The following C14orf39 variants were observed in gnomAD, a reference collection of about 807,000 sequenced individuals.
The protein encoded by C14orf39 is protein SIX6OS1.
C14orf39 carries 66 observed loss-of-function variants against 85.6 expected under a neutral mutation model. That is an observed-to-expected ratio of 0.77 (90% CI 0.63 to 0.95). C14orf39 has a LOEUF of 0.95. Among genes scored for constraint, C14orf39 ranks in the 40% least tolerant of loss-of-function variants. The pLI is 0.00. For missense variants in C14orf39, 735 were observed against 663.9 expected (o/e 1.11, Z -1.18); for synonymous variants, 242 against 214.0 (o/e 1.13, Z -1.14).
At chr14:60,441,410 C>T (rs73305275) in intron 17 of C14orf39, among the ~76,000 whole-genome samples, 5,000 of 152,156 alleles carry the variant, frequency 0.033, 283 homozygotes, top group African/African-American at 0.11. Flanking sequence ...GGATGCTGTA[C>T]CTACCATTAT....
At chr14:60,507,527 T>G (rs1387976847) in intron 1 of C14orf39, among the ~76,000 whole-genome samples, 1 of 152,222 alleles carries the variant, frequency 6.6e-6, no homozygotes, top group East Asian at 1.9e-4. Flanking sequence ...GTTGAGGCGG[T>G]TGGCAATCTC....
At chr14:60,506,071 T>C (rs1041336100) in intron 1 of C14orf39, among the ~76,000 whole-genome samples, 1 of 152,144 alleles carries the variant, frequency 6.6e-6, no homozygotes. Flanking sequence ...TTTCTCCATA[T>C]TTGCCCCACA....
chr14:60,466,339 A>G (rs1476201330), intron 10 of C14orf39, among the ~76,000 whole-genome samples: 1 of 152,024 alleles, frequency 6.6e-6, no homozygotes, highest in Non-Finnish European at 1.5e-5. Context: ...CAAAGAAACC[A>G]GCCAATGTAG....
rs566754852 is a variant in C14orf39 at position 60,462,927 on chromosome 14, C to CTATA, written c.973-1338_973-1335dup. On this transcript the variant is annotated intron_variant, in intron 11 of 17. Coordinates refer to ENST00000321731, the MANE Select transcript of C14orf39 (RefSeq NM_174978.3). ...ACACCTGCAAGGAGAATACATGTCT[C>CTATA]TATATGTCTCCTGGTACAAATACCT... 1.8e-4 allele frequency among the ~76,000 whole-genome samples: 28 copies of CTATA among 152,204 alleles called. No homozygotes were observed. The South Asian group carries it at 5.8e-3, about 32-fold the overall frequency.
chr14:60,483,336 A>G (rs932770683), intron 4 of C14orf39, among the ~76,000 whole-genome samples: 2 of 152,184 alleles, frequency 1.3e-5, no homozygotes, highest in African/African-American at 2.4e-5. Flanking sequence ...TAACGTATTA[A>G]ATATTTTTAT....
chr14:60,453,000 C>T (rs1273471892), intron 16 of C14orf39, among the ~76,000 whole-genome samples: 1 of 151,900 alleles, frequency 6.6e-6, no homozygotes, highest in Non-Finnish European at 1.5e-5. Context: ...GCTGAAGGTA[C>T]CATCAGAACC....
At position 60,483,111 on chromosome 14, in the gene C14orf39, G is replaced by A. The variant is rs920278950; in HGVS notation, c.233+580C>T. 4.4e-4 allele frequency among the ~76,000 whole-genome samples: 67 copies of A among 151,276 alleles called. 1 individual carries two copies. Among genetic ancestry groups the A allele is most frequent in the Non-Finnish European group, 1.0e-4 (7 of 67,782 alleles). On this transcript the variant is annotated intron_variant, in intron 4 of 17. Coordinates refer to ENST00000321731, the MANE Select transcript of C14orf39 (RefSeq NM_174978.3). The stretch of plus-strand genomic sequence containing the variant: ...AAAACCAGTGGGAAAAAACTAATGG[G>A]GGAAAAACAAAAAAGGCTTATTAAA...
intron 1 of C14orf39, among the ~76,000 whole-genome samples, chr14:60,514,372 G>A (rs1361583077): frequency 1.3e-5 from 2 of 152,118 alleles, no homozygotes; most frequent in African/African-American, 4.8e-5. Flanking sequence ...CAGCAGAGTG[G>A]AAAGAGCATT....
At chr14:60,441,958 A>C in intron 17 of C14orf39, 116 bp downstream of exon 17, 1 of 679,980 alleles carries the variant, frequency 1.5e-6, no homozygotes, top group Non-Finnish European at 2.6e-6. Flanking sequence ...GTAGTGCAGA[A>C]GTAACAGTAA....
chr14:60,466,850 T>C, intron 10 of C14orf39, 67 bp downstream of exon 10: 1 of 1,242,406 alleles, frequency 8.0e-7, no homozygotes, highest in Non-Finnish European at 1.1e-6. Flanking sequence ...ATAAAATTGC[T>C]TCCTTCTATT....
At chr14:60,476,779 C>A (rs967105505) in intron 5 of C14orf39, among the ~76,000 whole-genome samples, 5 of 152,146 alleles carry the variant, frequency 3.3e-5, no homozygotes, top group Non-Finnish European at 2.9e-5. Flanking sequence ...CTGAAGCACA[C>A]TGCACAATTT....
At chr14:60,439,630 G>A (rs559167390) in intron 17 of C14orf39, among the ~76,000 whole-genome samples, 1 of 152,134 alleles carries the variant, frequency 6.6e-6, no homozygotes, top group Non-Finnish European at 1.5e-5. Flanking sequence ...AATGTCAAAA[G>A]ATGTCTAAAG....
intron 16 of C14orf39, among the ~76,000 whole-genome samples, chr14:60,452,631 T>G (rs368746934): frequency 2.4e-4 from 36 of 152,204 alleles, no homozygotes; most frequent in African/African-American, 8.2e-4. Flanking sequence ...TTGTACACTT[T>G]AAAATAACTA....
chr14:60,471,410 TG>T lies in C14orf39; in HGVS notation c.554+6del. The T allele has an allele frequency of 6.3e-7, 1 of 1,577,966 alleles. No homozygotes were observed. The highest frequency in any genetic ancestry group is 8.6e-7 in the Non-Finnish European group (1 of 1,159,196). ...AAAATTATAAGTACAAATACTATTGTGGATACATGTTTAAAGTCCATTTAGT... is the reference window on the plus strand; with the variant it reads ...AAAATTATAAGTACAAATACTATTGTGATACATGTTTAAAGTCCATTTAGT... On this transcript the variant is annotated splice_donor_region_variant and intron_variant, in intron 7 of 17. Coordinates refer to ENST00000321731, the MANE Select transcript of C14orf39 (RefSeq NM_174978.3).
chr14:60,493,469 C>T (rs1893022295), intron 2 of C14orf39, among the ~76,000 whole-genome samples: 1 of 152,186 alleles, frequency 6.6e-6, no homozygotes. Context: ...TAAGCTCCAA[C>T]TGTTCTACCT....
chr14:60,478,385 T>C lies in C14orf39; in HGVS notation c.238A>G (p.Lys80Glu). The C allele has an allele frequency of 6.4e-7, 1 of 1,553,664 alleles. No homozygotes were observed. Among genetic ancestry groups the C allele is most frequent in the Non-Finnish European group, 8.7e-7 (1 of 1,149,776 alleles). Residue 80 changes from lysine to glutamate, a missense_variant, in exon 5 of 18, where the codon AAG becomes GAG. Coordinates refer to ENST00000321731, the MANE Select transcript of C14orf39 (RefSeq NM_174978.3). ...TTACGAAAAACATCACATGTTGGCT[T>C]CCAGCTATAGAAAAAAATATATTTG... ...EEIKDNCRNW[K>E]PTCDVFRKHE...
chr14:60,507,485 G>A (rs1454333517), intron 1 of C14orf39, among the ~76,000 whole-genome samples: 1 of 152,178 alleles, frequency 6.6e-6, no homozygotes, highest in Non-Finnish European at 1.5e-5. Flanking sequence ...CGTATTTCAA[G>A]AAAATGAACT....
intron 16 of C14orf39, among the ~76,000 whole-genome samples, chr14:60,445,582 A>G (rs1190749362): frequency 6.6e-6 from 1 of 152,204 alleles, no homozygotes; most frequent in Non-Finnish European, 1.5e-5. Flanking sequence ...TTAGAGAGCT[A>G]CAAAGAGACT....
At chr14:60,440,234 A>C (rs1430572583) in intron 17 of C14orf39, among the ~76,000 whole-genome samples, 1 of 152,206 alleles carries the variant, frequency 6.6e-6, no homozygotes, top group East Asian at 1.9e-4. Flanking sequence ...CATATGTACA[A>C]TTTCCTACTT....
Sources: gnomAD v4.1 joint callset for allele counts (sites outside exome capture counted in the v4.1 genomes callset) on GRCh38, gnomAD v4.1.1 for gene constraint, MANE v1.5 for transcripts, NCBI Gene and HGNC (gene_info 2026-07-23, HGNC 2026-07-21) for gene names.